The following ZC3H12B variants were observed in gnomAD, a reference collection of about 807,000 sequenced individuals.
ZC3H12B encodes probable ribonuclease ZC3H12B.
A neutral mutation model predicts 43.9 loss-of-function variants in ZC3H12B; 7 were observed. The observed-to-expected ratio is 0.16, with a 90% CI of 0.09 to 0.30. The LOEUF is 0.30. Ranked by LOEUF, ZC3H12B falls within the 10% of genes least tolerant of loss-of-function variation. The pLI is 1.00. For synonymous variants in ZC3H12B, 222 were observed against 241.7 expected, an observed-to-expected ratio of 0.92 and a Z score of 0.76; for missense variants, 475 against 670.2, an observed-to-expected ratio of 0.71 and a Z score of 3.22.
At chrX:65,489,272 G>T in exon 1 of ZC3H12B, 3 of 1,211,727 alleles carry the variant, frequency 2.5e-6, no homozygotes, top group South Asian at 3.5e-5. Flanking sequence ...CAGAAGGGCA[G>T]ATCAACTTGA....
At chrX:65,290,946 G>A in the ZC3H12B span, among the ~76,000 whole-genome samples, 4 of 111,425 alleles carry the variant, frequency 3.6e-5, no homozygotes, top group Non-Finnish European at 7.6e-5. Flanking sequence ...TTTGATAGCA[G>A]AGTAAGATGA....
chrX:65,471,504 G>A (rs2067913359), intron 3 of ZC3H12B, among the ~76,000 whole-genome samples: 1 of 96,959 alleles, frequency 1.0e-5, no homozygotes, highest in Non-Finnish European at 2.0e-5. Context: ...AGGCTGGAGT[G>A]CAGTGGCATA....
intron 2 of ZC3H12B, among the ~76,000 whole-genome samples, chrX:65,378,012 T>C (rs982578131): frequency 9.1e-6 from 1 of 110,156 alleles, no homozygotes; most frequent in African/African-American, 3.3e-5. Context: ...GGCAGGAGAA[T>C]GGCATGAACC....
chrX:65,118,090 T>A, the ZC3H12B span, among the ~76,000 whole-genome samples: 2 of 111,571 alleles, frequency 1.8e-5, no homozygotes, highest in African/African-American at 6.5e-5. Flanking sequence ...TTTTTCCAAT[T>A]CTGCGAAGAA....
upstream of ZC3H12B, chrX:65,488,676 C>T (rs1200199129): frequency 1.2e-6 from 1 of 855,666 alleles, no homozygotes; most frequent in Non-Finnish European, 1.6e-6. Flanking sequence ...TACCAAACCA[C>T]ACAGTCAAAC....
the ZC3H12B span, among the ~76,000 whole-genome samples, chrX:65,159,014 A>G: frequency 1.8e-5 from 2 of 111,782 alleles, no homozygotes; most frequent in African/African-American, 6.5e-5. Context: ...TCCCAGCACC[A>G]TTTATTAAAT....
chrX:65,447,494 A>C (rs2067393938), intron 3 of ZC3H12B, among the ~76,000 whole-genome samples: 1 of 112,027 alleles, frequency 8.9e-6, no homozygotes, highest in Non-Finnish European at 1.9e-5. Context: ...TTCTAGAAGA[A>C]AACCTAGGAA....
chrX:65,055,701 T>C, the ZC3H12B span, among the ~76,000 whole-genome samples: 1 of 111,701 alleles, frequency 9.0e-6, no homozygotes, highest in African/African-American at 3.3e-5. Flanking sequence ...AATTCAGCTT[T>C]GAATTCTTCT....
chrX:65,251,587 C>A, the ZC3H12B span, among the ~76,000 whole-genome samples: 3 of 111,361 alleles, frequency 2.7e-5, no homozygotes, highest in Admixed American at 1.9e-4. Context: ...AATGTTTTTC[C>A]ATTTGTTTGT....
At chrX:65,209,731 T>C in the ZC3H12B span, among the ~76,000 whole-genome samples, 1 of 107,983 alleles carries the variant, frequency 9.3e-6, no homozygotes, top group Non-Finnish European at 1.9e-5. Context: ...TATAGATCAA[T>C]GGAACAGAAC....
chrX:65,057,014 C>T, the ZC3H12B span, among the ~76,000 whole-genome samples: 1 of 111,949 alleles, frequency 8.9e-6, no homozygotes, highest in Non-Finnish European at 1.9e-5. Context: ...GAATACAGCA[C>T]AGTGATAGGT....
intron 2 of ZC3H12B, among the ~76,000 whole-genome samples, chrX:65,373,755 G>C (rs1357905609): frequency 1.1e-5 from 1 of 92,369 alleles, no homozygotes; most frequent in Admixed American, 1.3e-4. Context: ...GTGGTGGGAG[G>C]GGGGAGGGAT....
chrX:65,198,175 G>T, the ZC3H12B span, among the ~76,000 whole-genome samples: 1 of 111,735 alleles, frequency 8.9e-6, no homozygotes. Flanking sequence ...CAAGAGGCTG[G>T]CAAAACAAAT....
chrX:65,281,254 T>C, the ZC3H12B span, among the ~76,000 whole-genome samples: 1 of 101,622 alleles, frequency 9.8e-6, no homozygotes, highest in East Asian at 3.1e-4. Context: ...TTTTTTTGAG[T>C]CAGAGTCTTG....
At chrX:65,367,910 C>T (rs1346023771) in intron 1 of ZC3H12B, among the ~76,000 whole-genome samples, 1 of 110,985 alleles carries the variant, frequency 9.0e-6, no homozygotes, top group African/African-American at 3.3e-5. Flanking sequence ...AGTCACTATA[C>T]TACTAAAAGT....
At chrX:65,278,068 C>G in the ZC3H12B span, among the ~76,000 whole-genome samples, 2 of 111,530 alleles carry the variant, frequency 1.8e-5, no homozygotes, top group Non-Finnish European at 3.8e-5. Context: ...CAATAGATAA[C>G]ATTGTGTTAT....
the ZC3H12B span, among the ~76,000 whole-genome samples, chrX:65,216,373 A>G: frequency 9.0e-6 from 1 of 111,352 alleles, no homozygotes; most frequent in East Asian, 2.8e-4. Context: ...GCCCTGTCAC[A>G]GAGCTCAACA....
At chrX:65,319,125 G>A in the ZC3H12B span, among the ~76,000 whole-genome samples, 2 of 110,845 alleles carry the variant, frequency 1.8e-5, no homozygotes, top group Non-Finnish European at 3.8e-5. Flanking sequence ...CCATACAAAG[G>A]TCAAAGAATG....
At chrX:65,223,981 A>T in the ZC3H12B span, among the ~76,000 whole-genome samples, 1 of 112,550 alleles carries the variant, frequency 8.9e-6, no homozygotes, top group Admixed American at 9.4e-5. Flanking sequence ...AAGTCATTAT[A>T]TGAAAAAGAT....
Sources: gnomAD v4.1 joint callset for allele counts (sites outside exome capture counted in the v4.1 genomes callset) on GRCh38, gnomAD v4.1.1 for gene constraint, MANE v1.5 for transcripts, NCBI Gene and HGNC (gene_info 2026-07-23, HGNC 2026-07-21) for gene names.